ARHGAP29: variants seen among roughly 807,000 people sequenced by gnomAD.
ARHGAP29 encodes the protein Rho GTPase activating protein 29.
A neutral mutation model predicts 122.6 loss-of-function variants in ARHGAP29; 43 were observed. The observed-to-expected ratio is 0.35, with a 90% CI of 0.27 to 0.45. The LOEUF (loss-of-function observed/expected upper bound fraction) is 0.45. ARHGAP29 is among the 20% of genes least tolerant of loss of function. The pLI is 1.00. For missense variants in ARHGAP29, 1,303 were observed against 1,477.2 expected (o/e 0.88, Z 1.93); for synonymous variants, 506 against 497.1 (o/e 1.02, Z -0.24).
the ARHGAP29 span, among the ~76,000 whole-genome samples, chr1:94,293,069 G>A: frequency 6.6e-6 from 1 of 152,266 alleles, no homozygotes; most frequent in African/African-American, 2.4e-5. Context: ...CCCAAGAGGT[G>A]GAATCTAGAG....
At chr1:94,194,117 CA>C (rs1650296048) in intron 12 of ARHGAP29, 1 of 152,076 alleles carries the variant, frequency 6.6e-6, no homozygotes, top group African/African-American at 2.4e-5. Flanking sequence ...GATAAGTGTG[CA>C]ACCATTTTTT....
chr1:94,205,258 C>A, intron 6 of ARHGAP29, 60 bp from the exon 7 acceptor site: 6 of 1,302,898 alleles, frequency 4.6e-6, no homozygotes, highest in South Asian at 2.1e-5. Flanking sequence ...TAACTCCAAA[C>A]AAAGAAGCAC....
At chr1:94,210,639 C>T (rs1442070875) in intron 3 of ARHGAP29, among the ~76,000 whole-genome samples, 3 of 152,182 alleles carry the variant, frequency 2.0e-5, no homozygotes, top group African/African-American at 7.2e-5. Context: ...GAATATGGTT[C>T]TTAAATAATG....
the ARHGAP29 span, among the ~76,000 whole-genome samples, chr1:94,303,822 G>A: frequency 6.6e-6 from 1 of 152,210 alleles, no homozygotes; most frequent in African/African-American, 2.4e-5. Flanking sequence ...CAAACCCACT[G>A]CTTAAGTACT....
At chr1:94,197,733 A>C (rs1650563525) in intron 12 of ARHGAP29, among the ~76,000 whole-genome samples, 1 of 152,232 alleles carries the variant, frequency 6.6e-6, no homozygotes. Context: ...CACCATATTT[A>C]CAGGCTAAAA....
At chr1:94,302,539 G>T in the ARHGAP29 span, 1 of 323,276 alleles carries the variant, frequency 3.1e-6, no homozygotes, top group East Asian at 9.9e-5. Flanking sequence ...AAGCGACTCA[G>T]CATCACAGTC....
chr1:94,285,902 A>AG, the ARHGAP29 span, among the ~76,000 whole-genome samples: 1 of 151,614 alleles, frequency 6.6e-6, no homozygotes, highest in Non-Finnish European at 1.5e-5. Flanking sequence ...AAAAAAAAAA[A>AG]GAACTACATT....
Position 94,179,580 on chromosome 1 carries a change from G to A in ARHGAP29, c.2480+145C>T, listed in dbSNP as rs541858800. 2.3e-4 allele frequency: 124 copies of A among 550,442 alleles called. No individual in the cohort carries two copies. The African/African-American group carries it at 2.4e-3, about 11-fold the overall frequency. 34.1% of individuals were successfully genotyped at this position (550,442 alleles called of 1,614,324 possible). A position where few individuals can be genotyped will look rare whatever the true frequency, so the allele number is the denominator to read the frequency against. ...TGCACCCCAGCCTGGGTGACAGAGC[G>A]AGACTCTGTCTCAAAAAAAAAAAAA... On this transcript the variant is annotated intron_variant, in intron 20 of 22. Transcript: ENST00000260526.
chr1:94,185,098 A>C, intron 17 of ARHGAP29, 38 bp from the exon 18 acceptor site: 1 of 1,565,902 alleles, frequency 6.4e-7, no homozygotes, highest in Non-Finnish European at 8.7e-7. Flanking sequence ...GTTAACCTTA[A>C]AACTATTCAC....
the ARHGAP29 span, chr1:94,302,526 A>G: frequency 3.5e-4 from 112 of 324,468 alleles, no homozygotes; most frequent in Admixed American, 1.4e-3. Flanking sequence ...CTCTGGCATC[A>G]TGAAGCGACT....
At chr1:94,198,963 C>G (rs1183104629) in intron 12 of ARHGAP29, among the ~76,000 whole-genome samples, 1 of 152,166 alleles carries the variant, frequency 6.6e-6, no homozygotes, top group Non-Finnish European at 1.5e-5. Context: ...CAAAAATAAT[C>G]GAGACACTGG....
chr1:94,258,236 C>T (rs1654434623), intron 1 of ARHGAP29, among the ~76,000 whole-genome samples: 1 of 152,208 alleles, frequency 6.6e-6, no homozygotes, highest in African/African-American at 2.4e-5. Context: ...CCTTCTCTCA[C>T]TCTCAGAAGT....
chr1:94,290,148 A>C, the ARHGAP29 span, among the ~76,000 whole-genome samples: 1 of 152,072 alleles, frequency 6.6e-6, no homozygotes, highest in Non-Finnish European at 1.5e-5. Flanking sequence ...GTAGGCTATT[A>C]ATTATTTCCT....
At chr1:94,196,263 T>TC (rs150002882) in intron 12 of ARHGAP29, among the ~76,000 whole-genome samples, 12,373 of 135,196 alleles carry the variant, frequency 0.092, 809 homozygotes, top group African/African-American at 0.18. Flanking sequence ...TTTCTTTTTT[T>TC]TTTTTTTTTT....
In ARHGAP29 at chr1:94,263,414, G is replaced by C. The variant is rs553554124; in HGVS notation, c.-33+11598C>G. Among the ~76,000 whole-genome samples the C allele has an allele frequency of 2.6e-3, 388 of 152,052 alleles. 4 individuals are homozygous for C. The highest frequency in any genetic ancestry group is 8.7e-3 in the African/African-American group (360 of 41,498). On this transcript the variant is annotated intron_variant and NMD_transcript_variant, in intron 1 of 25. Transcript: ENST00000552844. ...AAAAGTTAAAAAAAAAAAGGTTTGG[G>C]GTCTTGTGCATCTGGTTTTCATCTG... is the stretch of plus-strand genomic sequence containing the variant.
At chr1:94,273,883 G>A (rs746556528) in intron 1 of ARHGAP29, among the ~76,000 whole-genome samples, 1 of 151,098 alleles carries the variant, frequency 6.6e-6, no homozygotes, top group Non-Finnish European at 1.5e-5. Flanking sequence ...AATTTAAAGA[G>A]CAGATGAGCA....
chr1:94,189,543 T>G (rs1650008635), intron 13 of ARHGAP29, among the ~76,000 whole-genome samples, 191 bp from the exon 14 acceptor site: 2 of 152,198 alleles, frequency 1.3e-5, no homozygotes, highest in Admixed American at 6.5e-5. Flanking sequence ...TTATTTGTCC[T>G]TATTACAGTG....
intron 22 of ARHGAP29, among the ~76,000 whole-genome samples, chr1:94,176,291 T>C (rs1041003144): frequency 6.6e-6 from 1 of 152,188 alleles, no homozygotes; most frequent in Non-Finnish European, 1.5e-5. Flanking sequence ...GTGATCTAAA[T>C]GATCTACTAG....
rs1019167934 is a variant in ARHGAP29 at position 94,169,041 on chromosome 1, G to A, written c.*4828C>T. On this transcript the variant is annotated 3_prime_UTR_variant, in exon 23 of 23. Coordinates refer to ENST00000260526, the MANE Select transcript of ARHGAP29 (RefSeq NM_004815.4). Reference sequence around the variant, plus strand: ...TAGGAAGTATTAATATTTAAAAATTGTTACAGCCAAGACCAAAAAGTGAGA... The same window carrying A: ...TAGGAAGTATTAATATTTAAAAATTATTACAGCCAAGACCAAAAAGTGAGA... Among the ~76,000 whole-genome samples the A allele has an allele frequency of 4.6e-5, 7 of 152,132 alleles. No homozygotes were observed. Among genetic ancestry groups the A allele is most frequent in the African/African-American group, 1.2e-4 (5 of 41,446 alleles).
Sources: gnomAD v4.1 joint callset for allele counts (sites outside exome capture counted in the v4.1 genomes callset) on GRCh38, gnomAD v4.1.1 for gene constraint, MANE v1.5 for transcripts, NCBI Gene and HGNC (gene_info 2026-07-23, HGNC 2026-07-21) for gene names.